Variants in SRGAP3 observed in about 807,000 individuals in gnomAD.
The protein encoded by SRGAP3 is SLIT-ROBO Rho GTPase activating protein 3.
A neutral mutation model predicts 121.1 loss-of-function variants in SRGAP3; 39 were observed. The observed-to-expected ratio is 0.32, with a 90% confidence interval of 0.25 to 0.42. SRGAP3 has a LOEUF of 0.42. Ranked by LOEUF, SRGAP3 falls within the 10% of genes least tolerant of loss-of-function variation. SRGAP3 has a pLI of 1.00. For missense variants in SRGAP3, 1,213 were observed against 1,470.6 expected (o/e 0.82, Z 2.86); for synonymous variants, 601 against 570.0 (o/e 1.05, Z -0.77).
At chr3:9,260,467 G>C (rs1954230904) in intron 3 of SRGAP3, among the ~76,000 whole-genome samples, 1 of 152,180 alleles carries the variant, frequency 6.6e-6, no homozygotes, top group African/African-American at 2.4e-5. Flanking sequence ...GTGTGGGGAG[G>C]GGCGTCCGCC....
intron 16 of SRGAP3, 49 bp from the exon 17 acceptor site, chr3:9,013,584 C>T (rs1943479103): frequency 1.2e-6 from 2 of 1,600,442 alleles, no homozygotes; most frequent in Non-Finnish European, 1.7e-6. Context: ...GCAAGTCCTC[C>T]CCCTGTGTTT....
At chr3:9,173,807 C>T (rs557069635) in intron 1 of SRGAP3, among the ~76,000 whole-genome samples, 27 of 152,282 alleles carry the variant, frequency 1.8e-4, no homozygotes, top group African/African-American at 2.4e-4. Flanking sequence ...TTTCCCATCA[C>T]GGGACATATT....
intron 1 of SRGAP3, among the ~76,000 whole-genome samples, chr3:9,214,111 A>G (rs548430504): frequency 7.4e-6 from 1 of 134,890 alleles, no homozygotes; most frequent in African/African-American, 2.5e-5. Flanking sequence ...ACCCCTACCC[A>G]CCTCCAACAC....
At chr3:9,339,319 A>C (rs1252507615) in intron 1 of SRGAP3, among the ~76,000 whole-genome samples, 1 of 152,264 alleles carries the variant, frequency 6.6e-6, no homozygotes, top group Non-Finnish European at 1.5e-5. Flanking sequence ...TCACAGTGGC[A>C]AAAGAAGCAG....
chr3:9,270,590 T>G (rs1954454821), intron 3 of SRGAP3, among the ~76,000 whole-genome samples: 1 of 152,172 alleles, frequency 6.6e-6, no homozygotes, highest in Admixed American at 6.6e-5. Context: ...CTCACTGTGA[T>G]CAGCAAAAGA....
At chr3:9,047,358 C>A (rs1225299246) in intron 10 of SRGAP3, 33 bp downstream of exon 10, 3 of 1,609,848 alleles carry the variant, frequency 1.9e-6, no homozygotes. Context: ...GGGAACGCAG[C>A]ACCTCCCAGA....
At chr3:9,096,595 G>T (rs1213055778) in intron 3 of SRGAP3, among the ~76,000 whole-genome samples, 1 of 152,024 alleles carries the variant, frequency 6.6e-6, no homozygotes, top group Non-Finnish European at 1.5e-5. Flanking sequence ...TCAGAAGCAT[G>T]CCTTTTAAGA....
intron 18 of SRGAP3, among the ~76,000 whole-genome samples, chr3:9,001,714 G>C (rs1318876077): frequency 6.6e-6 from 1 of 152,066 alleles, no homozygotes; most frequent in Non-Finnish European, 1.5e-5. Flanking sequence ...GAAAGTGAAA[G>C]GATGGAAAAA....
intron 1 of SRGAP3, among the ~76,000 whole-genome samples, chr3:9,185,554 C>T (rs1951570432): frequency 2.7e-5 from 4 of 150,592 alleles, no homozygotes; most frequent in Admixed American, 6.6e-5. Flanking sequence ...TTTTTAGAGA[C>T]AAGGTCTCAC....
chr3:8,987,491 G>A (rs753086295), intron 21 of SRGAP3, among the ~76,000 whole-genome samples: 14 of 152,178 alleles, frequency 9.2e-5, no homozygotes, highest in Non-Finnish European at 1.6e-4. Context: ...TGCTGGGGCC[G>A]GCCCCTTTCT....
chr3:9,052,462 T>C (rs1182500269), intron 9 of SRGAP3, among the ~76,000 whole-genome samples: 4 of 152,204 alleles, frequency 2.6e-5, no homozygotes, highest in African/African-American at 9.7e-5. Context: ...CCATGGAAGA[T>C]TTAAGGTCCC....
intron 3 of SRGAP3, among the ~76,000 whole-genome samples, chr3:9,270,222 T>G (rs954318852): frequency 6.6e-6 from 1 of 152,236 alleles, no homozygotes; most frequent in Non-Finnish European, 1.5e-5. Flanking sequence ...TATTGTGTAA[T>G]ATTGATAATA....
intron 18 of SRGAP3, among the ~76,000 whole-genome samples, chr3:9,003,748 C>T (rs995615612): frequency 1.3e-5 from 2 of 152,112 alleles, no homozygotes; most frequent in Admixed American, 1.3e-4. Flanking sequence ...AAGGGAACTT[C>T]CTCAACCTGA....
intron 1 of SRGAP3, among the ~76,000 whole-genome samples, chr3:9,362,441 G>A (rs565984483): frequency 3.3e-5 from 5 of 150,222 alleles, no homozygotes; most frequent in African/African-American, 1.2e-4. Context: ...TGGGATTACA[G>A]GCATGAGCCA....
chr3:9,118,436 GC>G (rs1222279227), intron 2 of SRGAP3, among the ~76,000 whole-genome samples: 1 of 152,134 alleles, frequency 6.6e-6, no homozygotes, highest in African/African-American at 2.4e-5. Flanking sequence ...CCCCATATGT[GC>G]TGCCTGCTAC....
intron 4 of SRGAP3, among the ~76,000 whole-genome samples, chr3:9,073,971 T>C (rs1252874907): frequency 1.3e-5 from 2 of 152,234 alleles, no homozygotes; most frequent in Non-Finnish European, 2.9e-5. Context: ...ACATGCTTCT[T>C]CCTGGGTACC....
At chr3:9,172,616 G>A (rs1951025603) in intron 1 of SRGAP3, among the ~76,000 whole-genome samples, 1 of 152,156 alleles carries the variant, frequency 6.6e-6, no homozygotes, top group Non-Finnish European at 1.5e-5. Flanking sequence ...TCTGTTTCCA[G>A]CCGAGCTCTG....
intron 21 of SRGAP3, among the ~76,000 whole-genome samples, chr3:8,989,741 G>A (rs1355204897): frequency 6.6e-6 from 1 of 152,152 alleles, no homozygotes; most frequent in African/African-American, 2.4e-5. Context: ...TATTCATTTG[G>A]CAAATGTAAA....
chr3:9,075,390 TGC>T (rs767835263), intron 4 of SRGAP3, among the ~76,000 whole-genome samples: 23,405 of 148,566 alleles, frequency 0.16, 1,942 homozygotes, highest in East Asian at 0.33. Flanking sequence ...TGTGTGTGTG[TGC>T]GCGCGCACAT....
Sources: allele counts gnomAD v4.1 joint callset (sites outside exome capture counted in the v4.1 genomes callset), GRCh38; gene constraint gnomAD v4.1.1; transcripts MANE v1.5; gene names NCBI Gene and HGNC (gene_info 2026-07-23, HGNC 2026-07-21).